Variants in RUNX1 observed in about 807,000 individuals in gnomAD.
RUNX1 encodes the protein RUNX family transcription factor 1.
A neutral mutation model predicts 42.8 loss-of-function variants in RUNX1; 19 were observed. The observed-to-expected ratio is 0.44, with a 90% CI of 0.31 to 0.65. The LOEUF is 0.65. Among genes scored for constraint, RUNX1 ranks in the 30% least tolerant of loss-of-function variants. The pLI, the probability that RUNX1 is intolerant of heterozygous loss-of-function variation, is 0.07. For synonymous variants in RUNX1, 271 were observed against 289.4 expected, an observed-to-expected ratio of 0.94 and a Z score of 0.64; for missense variants, 528 against 672.0, an observed-to-expected ratio of 0.79 and a Z score of 2.37.
chr21:34,975,983 G>T (rs2146767857), intron 2 of RUNX1, among the ~76,000 whole-genome samples: 1 of 152,274 alleles, frequency 6.6e-6, no homozygotes, highest in Admixed American at 6.5e-5. Context: ...TTTATCTGCA[G>T]AAGAAAGCTA....
chr21:34,849,440 TATAC>T (rs1297390810), intron 6 of RUNX1, among the ~76,000 whole-genome samples: 3 of 68,716 alleles, frequency 4.4e-5, no homozygotes, highest in African/African-American at 1.7e-4. Context: ...ATATTATATA[TATAC>T]TATATATTAT....
chr21:34,825,165 C>T (rs2056969102), intron 7 of RUNX1, among the ~76,000 whole-genome samples: 1 of 152,216 alleles, frequency 6.6e-6, no homozygotes, highest in Admixed American at 6.5e-5. Context: ...ACAACAGTGA[C>T]ATGCCTGGCT....
intron 7 of RUNX1, 50 bp downstream of exon 7, chr21:34,834,360 G>T: frequency 1.3e-6 from 2 of 1,572,686 alleles, no homozygotes; most frequent in African/African-American, 1.3e-5. Context: ...AGTTGTGGGT[G>T]GTGGCCCAGG....
At chr21:34,967,315 GTC>G (rs2058726923) in intron 2 of RUNX1, among the ~76,000 whole-genome samples, 1 of 50,890 alleles carries the variant, frequency 2.0e-5, no homozygotes, top group Non-Finnish European at 3.5e-5. Context: ...GTGAGACTCG[GTC>G]TCAAAAAAAA....
Position 34,796,154 on chromosome 21 carries a change from G to A in RUNX1, c.967+3147C>T, listed in dbSNP as rs181858340. On this transcript the variant is annotated intron_variant, in intron 8 of 8. Transcript: ENST00000675419. The stretch of plus-strand genomic sequence containing the variant: ...GAATGATGTTATGGTCTCAGCTGTT[G>A]GGGGAAAATAGTTCTTTCACTTGTG... Among the ~76,000 whole-genome samples, 17 of 152,290 alleles carry A rather than the reference G, an allele frequency of 1.1e-4. No homozygotes were observed. In the East Asian group the frequency reaches 2.7e-3, roughly 24 times the overall value.
intron 2 of RUNX1, among the ~76,000 whole-genome samples, chr21:35,011,941 A>T (rs1299674249): frequency 6.6e-6 from 1 of 152,218 alleles, no homozygotes; most frequent in African/African-American, 2.4e-5. Context: ...AACATGAGTC[A>T]TTCCAGCCAA....
chr21:34,882,789 T>G (rs1205548191), intron 4 of RUNX1, among the ~76,000 whole-genome samples: 1 of 152,162 alleles, frequency 6.6e-6, no homozygotes, highest in South Asian at 2.1e-4. Context: ...GATTTTCACT[T>G]CCCGTTGTAA....
At chr21:34,974,820 G>A (rs2058788889) in intron 2 of RUNX1, among the ~76,000 whole-genome samples, 1 of 152,186 alleles carries the variant, frequency 6.6e-6, no homozygotes, top group South Asian at 2.1e-4. Context: ...ATCTGTTTTT[G>A]TGAGTCAGCC....
At chr21:34,822,909 C>CATTATTTCTTCCTCCCTTTTTATCTTGA (rs1372254600) in intron 7 of RUNX1, among the ~76,000 whole-genome samples, 1 of 152,162 alleles carries the variant, frequency 6.6e-6, no homozygotes. Context: ...TCCCTAGTCA[C>CATTATTTCTTCCTCCCTTTTTATCTTGA]ATTATTTCTT....
chr21:34,995,165 G>A (rs528984377), intron 2 of RUNX1, among the ~76,000 whole-genome samples: 2 of 152,334 alleles, frequency 1.3e-5, no homozygotes, highest in East Asian at 3.9e-4. Context: ...GGTGGCCACG[G>A]AGGCCCCACC....
intron 2 of RUNX1, among the ~76,000 whole-genome samples, chr21:34,995,891 T>G (rs962815231): frequency 4.6e-5 from 7 of 152,242 alleles, no homozygotes; most frequent in African/African-American, 1.7e-4. Flanking sequence ...AATGTACATG[T>G]GTAGGTGTAT....
intron 5 of RUNX1, among the ~76,000 whole-genome samples, chr21:34,866,731 C>A (rs1569068185): frequency 6.6e-6 from 1 of 152,164 alleles, no homozygotes; most frequent in African/African-American, 2.4e-5. Context: ...ATTCTCCATG[C>A]TGAATTGAAT....
intron 2 of RUNX1, among the ~76,000 whole-genome samples, chr21:35,031,890 G>T (rs886554783): frequency 6.6e-6 from 1 of 152,224 alleles, no homozygotes; most frequent in Non-Finnish European, 1.5e-5. Context: ...TTTTTAAAAA[G>T]AAGTTATTTA....
At chr21:35,019,717 C>A (rs951653376) in intron 2 of RUNX1, among the ~76,000 whole-genome samples, 17 of 152,154 alleles carry the variant, frequency 1.1e-4, no homozygotes, top group Admixed American at 2.0e-4. Context: ...AAGGGATCGA[C>A]AACCACAATC....
chr21:34,887,015 G>A lies in RUNX1; in HGVS notation c.179C>T (p.Ala60Val), dbSNP rs765314703. 3.7e-5 allele frequency: 60 copies of A among 1,601,916 alleles called. No individual in the cohort carries two copies. The highest frequency in any genetic ancestry group is 3.2e-4 in the Admixed American group (19 of 59,700). The change falls in exon 4 of 9, where the codon GCC (alanine) becomes GTC (valine). Residue 60 changes from alanine (A) to valine (V), a missense_variant. Coordinates refer to ENST00000675419, the MANE Select transcript of RUNX1 (RefSeq NM_001754.5). ...GKMSEALPLG[A>V]PDAGAALAGK... is the part of the protein sequence containing the mutation. ...GGCCAGGGCAGCGCCGGCGTCCGGG[G>A]CGCCCAGCGGCAACGCCTCGCTCAT...
chr21:34,977,828 T>C (rs1300950075), intron 2 of RUNX1, among the ~76,000 whole-genome samples: 1 of 152,346 alleles, frequency 6.6e-6, no homozygotes, highest in Non-Finnish European at 1.5e-5. Context: ...CCTATTGCTA[T>C]GTAAGGAAGG....
intron 2 of RUNX1, among the ~76,000 whole-genome samples, chr21:34,970,330 T>C (rs757484231): frequency 4.6e-5 from 7 of 152,218 alleles, no homozygotes; most frequent in South Asian, 2.1e-4. Flanking sequence ...TCCAACACCA[T>C]TAAGGGTGGC....
chr21:34,986,103 C>A (rs1307271654), intron 2 of RUNX1, among the ~76,000 whole-genome samples: 1 of 151,980 alleles, frequency 6.6e-6, no homozygotes, highest in African/African-American at 2.4e-5. Flanking sequence ...AACTCCTGGG[C>A]TCAAGGGATC....
At chr21:34,942,409 A>G (rs1221721373) in intron 2 of RUNX1, among the ~76,000 whole-genome samples, 1 of 151,978 alleles carries the variant, frequency 6.6e-6, no homozygotes, top group Non-Finnish European at 1.5e-5. Context: ...CTTTAACTTT[A>G]TTGGTTCACT....
Sources: gnomAD v4.1 joint callset for allele counts (sites outside exome capture counted in the v4.1 genomes callset) on GRCh38, gnomAD v4.1.1 for gene constraint, MANE v1.5 for transcripts, NCBI Gene and HGNC (gene_info 2026-07-23, HGNC 2026-07-21) for gene names.